Variants in CFAP70 observed in about 807,000 individuals in gnomAD.
CFAP70 encodes the protein cilia and flagella associated protein 70.
Under a neutral mutation model 137.6 loss-of-function variants are expected in CFAP70, and 81 were observed. That is an observed-to-expected ratio of 0.59 (90% CI 0.49 to 0.71). The LOEUF (loss-of-function observed/expected upper bound fraction) is 0.71, where lower values mean the gene tolerates loss of function less well. Among genes scored for constraint, CFAP70 ranks in the 30% least tolerant of loss-of-function variants. The pLI is 0.00. For synonymous variants in CFAP70, 382 were observed against 423.6 expected (o/e 0.90, Z 1.20); for missense variants, 976 against 1,226.7 (o/e 0.80, Z 3.05).
chr10:73,326,797 A>G (rs1309761934), intron 8 of CFAP70, among the ~76,000 whole-genome samples: 2 of 152,176 alleles, frequency 1.3e-5, no homozygotes, highest in Non-Finnish European at 2.9e-5. Context: ...GAAGAACTTG[A>G]ATCTCTGAAT....
chr10:73,298,625 G>A (rs1161975565), intron 14 of CFAP70, among the ~76,000 whole-genome samples: 1 of 152,136 alleles, frequency 6.6e-6, no homozygotes, highest in Non-Finnish European at 1.5e-5. Flanking sequence ...CAGAGTTTCT[G>A]CCTCCTACAG....
chr10:73,312,952 G>C (rs947205334), intron 9 of CFAP70, among the ~76,000 whole-genome samples: 1 of 152,146 alleles, frequency 6.6e-6, no homozygotes, highest in Non-Finnish European at 1.5e-5. Flanking sequence ...TTTCGAATTA[G>C]GCTAGACATG....
chr10:73,286,361 G>A (rs1002405278), intron 19 of CFAP70, among the ~76,000 whole-genome samples: 10 of 151,938 alleles, frequency 6.6e-5, no homozygotes, highest in African/African-American at 2.4e-4. Flanking sequence ...GGAGAATGGC[G>A]TGAACCCGGG....
At chr10:73,330,418 C>T (rs2051954202) in intron 8 of CFAP70, among the ~76,000 whole-genome samples, 2 of 149,042 alleles carry the variant, frequency 1.3e-5, no homozygotes, top group Admixed American at 6.7e-5. Context: ...CCACTGTACT[C>T]CAGCCTAGGC....
chr10:73,290,684 G>A (rs988372890), intron 19 of CFAP70, among the ~76,000 whole-genome samples: 2 of 152,076 alleles, frequency 1.3e-5, no homozygotes, highest in Admixed American at 6.6e-5. Flanking sequence ...AGAACAGCAG[G>A]GGAAAGGGAG....
intron 15 of CFAP70, chr10:73,293,777 G>T (rs2048342211): frequency 6.5e-6 from 1 of 154,276 alleles, no homozygotes; most frequent in Admixed American, 6.5e-5. Flanking sequence ...CATGAAAAAG[G>T]TTGGCAAGCC....
At chr10:73,288,116 G>T (rs7903662) in intron 19 of CFAP70, among the ~76,000 whole-genome samples, 151,303 of 152,178 alleles carry the variant, frequency 0.99, 75,215 homozygotes, top group Middle Eastern at 1. Flanking sequence ...AAGCTGGTCT[G>T]GAACCCCTGA....
chr10:73,347,113 T>C (rs1351726628), intron 4 of CFAP70: 1 of 152,212 alleles, frequency 6.6e-6, no homozygotes, highest in Non-Finnish European at 1.5e-5. Flanking sequence ...TAGGTATATG[T>C]AAGTAAGTCA....
exon 17 of CFAP70, chr10:73,291,993 T>G (rs776520452): frequency 4.8e-5 from 77 of 1,614,036 alleles, no homozygotes; most frequent in Non-Finnish European, 6.5e-5. Context: ...TGATCCAGAT[T>G]CTGGGGCTCA....
At chr10:73,318,279 G>A (rs2050561916) in intron 9 of CFAP70, among the ~76,000 whole-genome samples, 1 of 152,164 alleles carries the variant, frequency 6.6e-6, no homozygotes, top group African/African-American at 2.4e-5. Context: ...GGTTGCTTTT[G>A]TGGGGAGATG....
intron 21 of CFAP70, 189 bp downstream of exon 22, chr10:73,277,051 G>A (rs1319581338): frequency 2.0e-5 from 11 of 546,242 alleles, no homozygotes; most frequent in Non-Finnish European, 2.9e-5. Context: ...TTGCAGCGAG[G>A]TCTTCTGCTG....
In CFAP70 at chr10:73,326,606, GA is replaced by G. The variant is rs568407312; in HGVS notation, c.778-3510del. 6.3e-3 allele frequency among the ~76,000 whole-genome samples: 949 copies of G among 150,746 alleles called. 11 individuals are homozygous for G. Among genetic ancestry groups the G allele is most frequent in the African/African-American group, 0.022 (901 of 40,860 alleles). On this transcript the variant is annotated intron_variant, in intron 8 of 26. Transcript: ENST00000310715. ...GACTGCTAGCAAGACTAATAAAGAAGAAAAGAGAGAAGAATCAAATAGATGC... is the reference window on the plus strand; with the variant it reads ...GACTGCTAGCAAGACTAATAAAGAAGAAAGAGAGAAGAATCAAATAGATGC...
intron 9 of CFAP70, among the ~76,000 whole-genome samples, chr10:73,320,231 T>C (rs1589466956): frequency 6.6e-6 from 1 of 152,224 alleles, no homozygotes; most frequent in South Asian, 2.1e-4. Flanking sequence ...TTCATTTTTA[T>C]AGTCTTCACA....
At chr10:73,277,489 C>T (rs142602236) in intron 20 of CFAP70, 128 bp from the exon 22 acceptor site, 1 of 960,272 alleles carries the variant, frequency 1.0e-6, no homozygotes, top group East Asian at 3.2e-5. Context: ...CCGAGGCAGG[C>T]AGATCACGAG....
chr10:73,359,751 T>G (rs189089301), upstream of CFAP70, among the ~76,000 whole-genome samples: 3 of 152,230 alleles, frequency 2.0e-5, no homozygotes, highest in Middle Eastern at 3.4e-3. Context: ...AATACTGGCG[T>G]GATTTTGGAA....
intron 12 of CFAP70, among the ~76,000 whole-genome samples, chr10:73,307,432 G>C (rs966364705): frequency 9.2e-5 from 14 of 152,136 alleles, no homozygotes; most frequent in Admixed American, 8.5e-4. Flanking sequence ...GATTAGATTA[G>C]AAAAACTCAC....
At chr10:73,340,532 T>C (rs2053151564) in intron 6 of CFAP70, among the ~76,000 whole-genome samples, 2 of 152,230 alleles carry the variant, frequency 1.3e-5, no homozygotes, top group Non-Finnish European at 2.9e-5. Flanking sequence ...ATTGGGCACC[T>C]GCCCCTTTTT....
chr10:73,289,374 C>A (rs2047992066), intron 19 of CFAP70, among the ~76,000 whole-genome samples: 1 of 152,038 alleles, frequency 6.6e-6, no homozygotes, highest in Non-Finnish European at 1.5e-5. Context: ...CAACCTCTGC[C>A]TCCTGGGTTC....
chr10:73,255,316 A>G (rs1186740726), intron 26 of CFAP70, among the ~76,000 whole-genome samples: 4 of 151,994 alleles, frequency 2.6e-5, no homozygotes, highest in Non-Finnish European at 5.9e-5. Flanking sequence ...AATGGCCTGA[A>G]CCCGGGAGGC....
Sources: gnomAD v4.1 joint callset for allele counts (sites outside exome capture counted in the v4.1 genomes callset) on GRCh38, gnomAD v4.1.1 for gene constraint, MANE v1.5 for transcripts, NCBI Gene and HGNC (gene_info 2026-07-23, HGNC 2026-07-21) for gene names.